SNX7: variants seen among roughly 807,000 people sequenced by gnomAD.
The protein encoded by SNX7 is sorting nexin-7.
SNX7 carries 35 observed loss-of-function variants against 48.4 expected under a neutral mutation model. The observed-to-expected ratio is 0.72, with a 90% CI of 0.55 to 0.96. SNX7 has a LOEUF of 0.96. Ranked by LOEUF, SNX7 falls within the 40% of genes least tolerant of loss-of-function variation. The pLI, the probability that SNX7 is intolerant of heterozygous loss-of-function variation, is 0.00. For missense variants in SNX7, 553 were observed against 548.9 expected, an observed-to-expected ratio of 1.01 and a Z score of -0.07; for synonymous variants, 190 against 190.2, an observed-to-expected ratio of 1.00 and a Z score of 0.01.
At chr1:98,738,412 G>A (rs1232921293) in intron 8 of SNX7, 23 bp downstream of exon 8, 1 of 1,605,920 alleles carries the variant, frequency 6.2e-7, no homozygotes, top group African/African-American at 1.3e-5. Flanking sequence ...GTTTGATATT[G>A]CTTCATTTTA....
intron 7 of SNX7, among the ~76,000 whole-genome samples, chr1:98,718,150 A>C (rs757548751): frequency 6.6e-6 from 1 of 152,098 alleles, no homozygotes; most frequent in Non-Finnish European, 1.5e-5. Context: ...CTTCCTGAAG[A>C]AGGTCCCTCA....
At chr1:98,664,188 C>CATATTTA (rs1557781670) in intron 1 of SNX7, among the ~76,000 whole-genome samples, 1 of 152,242 alleles carries the variant, frequency 6.6e-6, no homozygotes, top group East Asian at 1.9e-4. Flanking sequence ...TTTACATTCA[C>CATATTTA]CTTTATAGTC....
chr1:98,717,704 A>G (rs574186848), intron 7 of SNX7, among the ~76,000 whole-genome samples: 1 of 152,268 alleles, frequency 6.6e-6, no homozygotes, highest in East Asian at 1.9e-4. Context: ...TGCCTTGTTT[A>G]TCTCTCAGTC....
Position 98,751,202 on chromosome 1 carries a change from T to G in SNX7, c.1279-8852T>G, listed in dbSNP as rs144251931. ...TATCGTATCTGTAGAAATACCATTA[T>G]TGTCACCATTTACTCTTTAGAAAAC... On this transcript the variant is annotated intron_variant, in intron 8 of 8. Transcript: ENST00000306121. 7.7e-3 allele frequency among the ~76,000 whole-genome samples: 1,171 copies of G among 152,170 alleles called. 16 individuals carry two copies. The highest frequency in any genetic ancestry group is 0.027 in the African/African-American group (1,113 of 41,556).
intron 7 of SNX7, among the ~76,000 whole-genome samples, chr1:98,703,180 G>T (rs887720957): frequency 3.9e-5 from 6 of 152,076 alleles, no homozygotes; most frequent in Admixed American, 2.0e-4. Flanking sequence ...CAATAAATAT[G>T]TAGTGAAGGA....
intron 6 of SNX7, among the ~76,000 whole-genome samples, chr1:98,699,219 A>C (rs1290879948): frequency 2.6e-5 from 4 of 152,112 alleles, no homozygotes; most frequent in Admixed American, 2.6e-4. Context: ...TTTACTTTAA[A>C]ATTTTTTAGT....
chr1:98,733,378 T>G (rs1477119497), intron 7 of SNX7, among the ~76,000 whole-genome samples: 1 of 152,092 alleles, frequency 6.6e-6, no homozygotes, highest in Non-Finnish European at 1.5e-5. Context: ...GAGTCTGATC[T>G]TTACCACTGG....
intron 7 of SNX7, among the ~76,000 whole-genome samples, chr1:98,731,108 GA>G (rs1262736727): frequency 1.7e-5 from 2 of 117,276 alleles, no homozygotes; most frequent in African/African-American, 5.8e-5. Context: ...CCCCTCTCAG[GA>G]AAAATAGTTT....
Position 98,698,801 on chromosome 1 carries a change from T to C in SNX7, c.934T>C (p.Cys312Arg). The C allele has an allele frequency of 6.2e-7, 1 of 1,613,860 alleles. No individual in the cohort carries two copies. Among genetic ancestry groups the C allele is most frequent in the Non-Finnish European group, 8.5e-7 (1 of 1,179,794 alleles). The change falls in exon 6 of 9, where the codon TGC (cysteine) becomes CGC (arginine). Residue 312 changes from cysteine to arginine, a missense_variant. Transcript: ENST00000306121. ...LVDTLKDVAS[C>R]IDRCCKATEK... ...TGATACTCTAAAGGATGTTGCCAGC[T>C]GCATTGACAGATGCTGTAAGGCCAC...
At chr1:98,751,814 A>G (rs1194099600) in intron 8 of SNX7, among the ~76,000 whole-genome samples, 2 of 152,168 alleles carry the variant, frequency 1.3e-5, no homozygotes, top group Non-Finnish European at 2.9e-5. Flanking sequence ...AGATTATTGC[A>G]TGAAATAAAA....
intron 4 of SNX7, among the ~76,000 whole-genome samples, chr1:98,692,972 A>G (rs759342822): frequency 2.0e-5 from 3 of 152,120 alleles, no homozygotes. Context: ...TTTCTGGACT[A>G]TGTGGTTTGT....
At chr1:98,736,521 C>A (rs1653788542) in intron 7 of SNX7, among the ~76,000 whole-genome samples, 2 of 152,110 alleles carry the variant, frequency 1.3e-5, no homozygotes, top group African/African-American at 4.8e-5. Context: ...TAGACATGTT[C>A]TTTAAGATTC....
At chr1:98,746,918 A>G (rs543676670) in intron 8 of SNX7, among the ~76,000 whole-genome samples, 1 of 152,188 alleles carries the variant, frequency 6.6e-6, no homozygotes, top group East Asian at 1.9e-4. Flanking sequence ...TTTGAATAAG[A>G]TAATCTTTAG....
intron 6 of SNX7, among the ~76,000 whole-genome samples, chr1:98,700,184 C>CTTATA (rs1651676825): frequency 6.6e-6 from 1 of 152,256 alleles, no homozygotes; most frequent in Admixed American, 6.5e-5. Flanking sequence ...ATAAGTAGTA[C>CTTATA]TTATATTGCA....
intron 1 of SNX7, among the ~76,000 whole-genome samples, chr1:98,671,008 G>C (rs1254757586): frequency 5.3e-5 from 8 of 152,106 alleles, no homozygotes; most frequent in Admixed American, 5.2e-4. Context: ...CTTTATTTCC[G>C]TGAGTTTTAA....
At chr1:98,720,930 CAG>C (rs1652836129) in intron 7 of SNX7, among the ~76,000 whole-genome samples, 2 of 152,124 alleles carry the variant, frequency 1.3e-5, no homozygotes, top group African/African-American at 4.8e-5. Context: ...AAAGAAACAT[CAG>C]GGGAATTCAC....
intron 1 of SNX7, among the ~76,000 whole-genome samples, chr1:98,682,725 T>C (rs984138326): frequency 2.6e-5 from 4 of 152,222 alleles, no homozygotes; most frequent in African/African-American, 9.6e-5. Context: ...TCTAGTGTTA[T>C]GAAATGTCAT....
intron 1 of SNX7, chr1:98,662,903 A>G (rs1649327397): frequency 1.7e-6 from 2 of 1,189,440 alleles, no homozygotes; most frequent in South Asian, 1.3e-5. Context: ...TCTGACTCCA[A>G]AGAGGAGTAT....
At chr1:98,738,647 T>G (rs1480637548) in intron 8 of SNX7, among the ~76,000 whole-genome samples, 1 of 152,142 alleles carries the variant, frequency 6.6e-6, no homozygotes, top group Non-Finnish European at 1.5e-5. Context: ...CTCTCCCTTC[T>G]CCATTTATGA....
Sources: gnomAD v4.1 joint callset for allele counts (sites outside exome capture counted in the v4.1 genomes callset) on GRCh38, gnomAD v4.1.1 for gene constraint, MANE v1.5 for transcripts, NCBI Gene and HGNC (gene_info 2026-07-23, HGNC 2026-07-21) for gene names.